Variants in LDLRAD4 observed in about 807,000 individuals in gnomAD.
LDLRAD4 encodes low-density lipoprotein receptor class A domain-containing protein 4.
In LDLRAD4, 5 loss-of-function variants were observed where a neutral mutation model predicts 17.0. The observed-to-expected ratio is 0.29, with a 90% confidence interval of 0.15 to 0.62. The LOEUF is 0.62. LDLRAD4 is among the 20% of genes least tolerant of loss of function. LDLRAD4 has a pLI of 0.84. For synonymous variants in LDLRAD4, 168 were observed against 171.8 expected (o/e 0.98, Z 0.17); for missense variants, 340 against 424.7 (o/e 0.80, Z 1.75).
intron 3 of LDLRAD4, among the ~76,000 whole-genome samples, chr18:13,588,201 A>C (rs1483799351): frequency 6.6e-6 from 1 of 152,252 alleles, no homozygotes; most frequent in Non-Finnish European, 1.5e-5. Context: ...AGCTGGTGAC[A>C]TGTATGCTCT....
upstream of LDLRAD4, among the ~76,000 whole-genome samples, chr18:13,276,259 C>T (rs773843667): frequency 1.3e-5 from 2 of 152,182 alleles, no homozygotes; most frequent in Admixed American, 6.5e-5. Flanking sequence ...CCACCCGCCT[C>T]GGCCTCACAA....
chr18:13,441,803 C>G (rs1028906657), intron 3 of LDLRAD4, among the ~76,000 whole-genome samples: 17 of 152,180 alleles, frequency 1.1e-4, no homozygotes, highest in African/African-American at 4.1e-4. Flanking sequence ...GTGTTTGGAG[C>G]CCAGGCTGAG....
chr18:13,447,624 C>T (rs1472144583), intron 3 of LDLRAD4, among the ~76,000 whole-genome samples: 1 of 152,158 alleles, frequency 6.6e-6, no homozygotes, highest in Non-Finnish European at 1.5e-5. Context: ...GAAATTTATC[C>T]ACTTCTTTAA....
intron 1 of LDLRAD4, among the ~76,000 whole-genome samples, chr18:13,258,445 T>C (rs2043623834): frequency 6.6e-6 from 1 of 152,176 alleles, no homozygotes; most frequent in South Asian, 2.1e-4. Flanking sequence ...ACACTTGAAA[T>C]GAGATGCCTC....
intron 3 of LDLRAD4, chr18:13,620,904 C>A: frequency 1.6e-6 from 1 of 633,524 alleles, no homozygotes. Context: ...AGAGGCTTCC[C>A]GCTCCCCGCA....
intron 3 of LDLRAD4, among the ~76,000 whole-genome samples, chr18:13,588,588 C>G (rs538192356): frequency 2.6e-4 from 39 of 151,392 alleles, no homozygotes; most frequent in African/African-American, 9.0e-4. Flanking sequence ...TTTTTAGGGT[C>G]TCTGGTTGTT....
intron 1 of LDLRAD4, among the ~76,000 whole-genome samples, chr18:13,252,884 C>A (rs2043300164): frequency 6.6e-6 from 1 of 152,232 alleles, no homozygotes. Flanking sequence ...TCCTTGTAGT[C>A]TCGTTAGGCT....
chr18:13,481,446 G>A, intron 3 of LDLRAD4, among the ~76,000 whole-genome samples: 1 of 152,162 alleles, frequency 6.6e-6, no homozygotes, highest in East Asian at 1.9e-4. Flanking sequence ...GACGCTGACT[G>A]CTGTCAGCAA....
chr18:13,644,957 T>A (rs1377140883), intron 5 of LDLRAD4, 170 bp from the exon 7 acceptor site: 2 of 632,298 alleles, frequency 3.2e-6, no homozygotes, highest in Non-Finnish European at 5.4e-6. Context: ...ATCAGAAAAG[T>A]ACACTTTTTT....
chr18:13,363,401 C>A (rs1226812967), intron 1 of LDLRAD4, among the ~76,000 whole-genome samples: 1 of 150,418 alleles, frequency 6.6e-6, no homozygotes, highest in African/African-American at 2.4e-5. Context: ...ATGTTGTTTC[C>A]CTTAACGAAG....
chr18:13,231,715 G>A (rs1209983788), intron 1 of LDLRAD4, among the ~76,000 whole-genome samples: 2 of 152,192 alleles, frequency 1.3e-5, no homozygotes, highest in Admixed American at 6.5e-5. Context: ...TTTGCAAAAC[G>A]TGTAACTATT....
intron 1 of LDLRAD4, among the ~76,000 whole-genome samples, chr18:13,272,823 C>G (rs1026301200): frequency 6.6e-6 from 1 of 152,164 alleles, no homozygotes; most frequent in African/African-American, 2.4e-5. Flanking sequence ...TTACCATGAC[C>G]GCTAGCTCTT....
chr18:13,588,907 T>C (rs1051171640), intron 3 of LDLRAD4, among the ~76,000 whole-genome samples: 3 of 151,584 alleles, frequency 2.0e-5, no homozygotes, highest in African/African-American at 7.3e-5. Flanking sequence ...GCCATCTTTT[T>C]CCTTTTCTTT....
chr18:13,582,942 CTG>C (rs1404296403), intron 3 of LDLRAD4, among the ~76,000 whole-genome samples: 1 of 152,146 alleles, frequency 6.6e-6, no homozygotes, highest in Non-Finnish European at 1.5e-5. Context: ...GTCTCCAACT[CTG>C]GCCTCAAGTG....
intron 3 of LDLRAD4, among the ~76,000 whole-genome samples, chr18:13,505,318 CA>C (rs1185757431): frequency 3.9e-5 from 6 of 152,192 alleles, no homozygotes; most frequent in Non-Finnish European, 8.8e-5. Flanking sequence ...TCACTTTGCA[CA>C]GTAATGTGGG....
chr18:13,486,885 C>T (rs1225782447), intron 3 of LDLRAD4: 1 of 152,194 alleles, frequency 6.6e-6, no homozygotes, highest in Non-Finnish European at 1.5e-5. Flanking sequence ...GGTGGAATCA[C>T]CAGGGTCAAC....
intron 3 of LDLRAD4, chr18:13,514,407 A>T (rs943051883): frequency 6.6e-6 from 1 of 152,220 alleles, no homozygotes; most frequent in Non-Finnish European, 1.5e-5. Flanking sequence ...TCCATTTATA[A>T]AGCTTCCTTC....
chr18:13,302,246 C>T (rs1384124697), intron 1 of LDLRAD4, among the ~76,000 whole-genome samples: 1 of 152,142 alleles, frequency 6.6e-6, no homozygotes, highest in Non-Finnish European at 1.5e-5. Flanking sequence ...GGGTTTATTT[C>T]ATTTGGAAAT....
chr18:13,292,487 A>G (rs928584447), intron 1 of LDLRAD4, among the ~76,000 whole-genome samples: 1 of 152,198 alleles, frequency 6.6e-6, no homozygotes, highest in South Asian at 2.1e-4. Flanking sequence ...GTTAGCCCTT[A>G]CAATATCCCA....
Sources: gnomAD v4.1 joint callset for allele counts (sites outside exome capture counted in the v4.1 genomes callset) on GRCh38, gnomAD v4.1.1 for gene constraint, MANE v1.5 for transcripts, NCBI Gene and HGNC (gene_info 2026-07-23, HGNC 2026-07-21) for gene names.